The following EXOC4 variants were observed in gnomAD, a reference collection of about 807,000 sequenced individuals.
The protein encoded by EXOC4 is exocyst complex component 4.
Under a neutral mutation model 107.2 loss-of-function variants are expected in EXOC4, and 71 were observed. That is an observed-to-expected ratio of 0.66 (90% CI 0.55 to 0.81). The LOEUF is 0.81. EXOC4 is among the 30% of genes least tolerant of loss of function. EXOC4 has a pLI of 0.00. For missense variants in EXOC4, 1,108 were observed against 1,189.6 expected (o/e 0.93, Z 1.01); for synonymous variants, 456 against 441.2 (o/e 1.03, Z -0.42).
chr7:133,561,169 T>G (rs1800797552), intron 9 of EXOC4, among the ~76,000 whole-genome samples: 1 of 152,200 alleles, frequency 6.6e-6, no homozygotes, highest in Non-Finnish European at 1.5e-5. Context: ...CCTGGTCACA[T>G]GAACTCTTCT....
At chr7:133,450,831 A>G (rs1440862831) in intron 7 of EXOC4, among the ~76,000 whole-genome samples, 1 of 152,234 alleles carries the variant, frequency 6.6e-6, no homozygotes, top group Non-Finnish European at 1.5e-5. Context: ...GTATTTTACA[A>G]AAGATGATTC....
At chr7:133,351,611 T>C (rs1445668512) in intron 5 of EXOC4, among the ~76,000 whole-genome samples, 4 of 151,966 alleles carry the variant, frequency 2.6e-5, no homozygotes, top group Non-Finnish European at 5.9e-5. Flanking sequence ...TTTGTTATTT[T>C]TGATGATGTT....
At chr7:133,987,538 T>G (rs778206539) in intron 14 of EXOC4, among the ~76,000 whole-genome samples, 6 of 152,284 alleles carry the variant, frequency 3.9e-5, no homozygotes, top group Non-Finnish European at 8.8e-5. Context: ...TTATCCCAAG[T>G]TAGAGTAGAA....
chr7:133,378,390 A>G (rs1796537831), intron 7 of EXOC4, among the ~76,000 whole-genome samples: 1 of 151,482 alleles, frequency 6.6e-6, no homozygotes, highest in African/African-American at 2.4e-5. Context: ...AAAAGTAAAT[A>G]GGGCCAGAAA....
At chr7:133,362,242 A>T (rs1270752080) in intron 6 of EXOC4, among the ~76,000 whole-genome samples, 1 of 152,140 alleles carries the variant, frequency 6.6e-6, no homozygotes, top group African/African-American at 2.4e-5. Flanking sequence ...ATATAGTCTC[A>T]TTCTTAATAT....
chr7:133,527,815 T>C (rs1466459110), intron 9 of EXOC4, among the ~76,000 whole-genome samples: 1 of 152,224 alleles, frequency 6.6e-6, no homozygotes, highest in Non-Finnish European at 1.5e-5. Context: ...ACAACACTGA[T>C]AATCAAGAAT....
intron 10 of EXOC4, among the ~76,000 whole-genome samples, chr7:133,653,313 T>C (rs1803207354): frequency 6.6e-6 from 1 of 152,222 alleles, no homozygotes; most frequent in African/African-American, 2.4e-5. Flanking sequence ...TTTTTCGCCC[T>C]AAAGACCAAT....
chr7:133,370,802 C>T (rs915786641), intron 6 of EXOC4, among the ~76,000 whole-genome samples: 1 of 152,198 alleles, frequency 6.6e-6, no homozygotes, highest in African/African-American at 2.4e-5. Flanking sequence ...TTGAACCTTT[C>T]CCTGTCTTTA....
At chr7:133,841,218 A>G (rs1433736763) in intron 11 of EXOC4, among the ~76,000 whole-genome samples, 2 of 152,174 alleles carry the variant, frequency 1.3e-5, no homozygotes, top group African/African-American at 4.8e-5. Flanking sequence ...TCCCATTCAC[A>G]AGGGCTCTGC....
intron 17 of EXOC4, among the ~76,000 whole-genome samples, chr7:134,010,547 C>G (rs2116360086): frequency 6.6e-6 from 1 of 152,270 alleles, no homozygotes; most frequent in South Asian, 2.1e-4. Context: ...TCCATCAATT[C>G]TACCATATTT....
rs1263143440 is a variant in EXOC4, at chr7:133,416,657, T to C, written c.1182+41655T>C. Among the ~76,000 whole-genome samples, 4 of 152,172 alleles carry C rather than the reference T, an allele frequency of 2.6e-5. No individual in the cohort carries two copies. The East Asian group carries it at 7.7e-4, about 29-fold the overall frequency. Reference sequence around the variant, plus strand: ...CACTACCTCACTCATGATCGGTCAATCTTAGTATTCCCTCATGTCTCCTCC... The same window carrying C: ...CACTACCTCACTCATGATCGGTCAACCTTAGTATTCCCTCATGTCTCCTCC... On this transcript the variant is annotated intron_variant, in intron 7 of 17. Coordinates refer to ENST00000253861, the MANE Select transcript of EXOC4 (RefSeq NM_021807.4).
chr7:133,929,433 C>G (rs544232003), intron 13 of EXOC4, among the ~76,000 whole-genome samples: 1 of 152,108 alleles, frequency 6.6e-6, no homozygotes, highest in East Asian at 1.9e-4. Flanking sequence ...CTGATAGTTA[C>G]CTACTGCTCC....
intron 10 of EXOC4, among the ~76,000 whole-genome samples, chr7:133,647,600 A>T (rs1270977522): frequency 6.6e-6 from 1 of 152,118 alleles, no homozygotes; most frequent in Non-Finnish European, 1.5e-5. Context: ...CTCCAACTCT[A>T]TGCCTCAGGT....
At chr7:133,613,491 C>T (rs1485691933) in intron 9 of EXOC4, among the ~76,000 whole-genome samples, 2 of 152,020 alleles carry the variant, frequency 1.3e-5, no homozygotes, top group Admixed American at 1.3e-4. Flanking sequence ...CATGTATTTT[C>T]CATCGTGTTT....
chr7:133,369,735 G>T (rs1796322578), intron 6 of EXOC4, among the ~76,000 whole-genome samples: 1 of 150,072 alleles, frequency 6.7e-6, no homozygotes, highest in Admixed American at 6.7e-5. Context: ...ACTCCCTAAG[G>T]ATATAACACC....
chr7:133,795,929 C>G (rs1051493273), intron 10 of EXOC4, among the ~76,000 whole-genome samples: 1 of 152,036 alleles, frequency 6.6e-6, no homozygotes, highest in African/African-American at 2.4e-5. Flanking sequence ...TATGAAACAC[C>G]TGCTAAATCA....
chr7:133,465,588 G>C (rs1798708401), intron 7 of EXOC4, among the ~76,000 whole-genome samples: 1 of 152,154 alleles, frequency 6.6e-6, no homozygotes. Context: ...TCAGAATTCA[G>C]ATGATCTCAA....
intron 9 of EXOC4, among the ~76,000 whole-genome samples, chr7:133,561,049 G>C (rs975797595): frequency 2.6e-5 from 4 of 151,982 alleles, no homozygotes; most frequent in Non-Finnish European, 4.4e-5. Flanking sequence ...ACTGCTACTA[G>C]GACAGTCATT....
chr7:133,330,219 T>G (rs1795348639), intron 5 of EXOC4, among the ~76,000 whole-genome samples: 2 of 152,130 alleles, frequency 1.3e-5, no homozygotes, highest in African/African-American at 4.8e-5. Flanking sequence ...TTGTTTACTC[T>G]GTGAGGGTAA....
Sources: gnomAD v4.1 joint callset for allele counts (sites outside exome capture counted in the v4.1 genomes callset) on GRCh38, gnomAD v4.1.1 for gene constraint, MANE v1.5 for transcripts, NCBI Gene and HGNC (gene_info 2026-07-23, HGNC 2026-07-21) for gene names.